The following ADAMTS9 variants were observed in gnomAD, a reference collection of about 807,000 sequenced individuals.
The protein encoded by ADAMTS9 is ADAM metallopeptidase with thrombospondin type 1 motif 9.
Under a neutral mutation model 257.1 loss-of-function variants are expected in ADAMTS9, and 107 were observed. The observed-to-expected ratio is 0.42, with a 90% CI of 0.36 to 0.49. The LOEUF (loss-of-function observed/expected upper bound fraction) is 0.49, where lower values mean the gene tolerates loss of function less well. Ranked by LOEUF, ADAMTS9 falls within the 20% of genes least tolerant of loss-of-function variation. The pLI is 0.03. For synonymous variants in ADAMTS9, 982 were observed against 880.9 expected (o/e 1.11, Z -2.03); for missense variants, 2,353 against 2,469.1 (o/e 0.95, Z 1.00).
At chr3:64,585,577 C>A (rs922374532) in intron 28 of ADAMTS9, among the ~76,000 whole-genome samples, 1 of 152,088 alleles carries the variant, frequency 6.6e-6, no homozygotes, top group Non-Finnish European at 1.5e-5. Flanking sequence ...TAAATTTTAC[C>A]ATTTTTCATA....
rs73122232 is a variant in ADAMTS9, at chr3:64,601,167, A to G, written c.4017+777T>C. On this transcript the variant is annotated intron_variant, in intron 26 of 39. Transcript: ENST00000498707. Reference sequence around the variant, plus strand: ...TAATTTGAAGGACAATGATAATGATAATAATAAAGACAACTGTCGACATTT... The same window carrying G: ...TAATTTGAAGGACAATGATAATGATGATAATAAAGACAACTGTCGACATTT... 8.7e-3 allele frequency among the ~76,000 whole-genome samples: 1,323 copies of G among 152,340 alleles called. 11 individuals carry two copies. The highest frequency in any genetic ancestry group is 0.038 in the South Asian group (185 of 4,824).
chr3:64,526,748 C>A (rs1276047902), intron 38 of ADAMTS9, among the ~76,000 whole-genome samples: 4 of 152,164 alleles, frequency 2.6e-5, no homozygotes, highest in Non-Finnish European at 1.5e-5. Flanking sequence ...CCTGGTACAT[C>A]TGTAAAATAG....
intron 3 of ADAMTS9, among the ~76,000 whole-genome samples, chr3:64,660,727 T>C (rs1422035918): frequency 2.0e-5 from 3 of 152,038 alleles, no homozygotes; most frequent in Non-Finnish European, 4.4e-5. Flanking sequence ...AGTGCAAGAG[T>C]AGTGATACTG....
intron 27 of ADAMTS9, among the ~76,000 whole-genome samples, chr3:64,595,568 G>A (rs192187190): frequency 7.7e-4 from 117 of 152,294 alleles, no homozygotes; most frequent in East Asian, 3.9e-4. Flanking sequence ...AGAACTTTGC[G>A]AGGAGGTTTT....
At chr3:64,522,373 A>T in intron 38 of ADAMTS9, 113 bp from the exon 39 acceptor site, 1 of 882,418 alleles carries the variant, frequency 1.1e-6, no homozygotes, top group Non-Finnish European at 1.8e-6. Context: ...TTCTGAACTG[A>T]TGTGAAGCCC....
intron 16 of ADAMTS9, among the ~76,000 whole-genome samples, chr3:64,629,365 C>T (rs1347921576): frequency 1.3e-5 from 2 of 152,200 alleles, no homozygotes; most frequent in Admixed American, 1.3e-4. Flanking sequence ...AGCCAAAGTT[C>T]TTAAAATGGT....
intron 3 of ADAMTS9, among the ~76,000 whole-genome samples, chr3:64,676,437 A>G (rs1315776119): frequency 1.3e-5 from 2 of 152,228 alleles, no homozygotes; most frequent in Non-Finnish European, 2.9e-5. Context: ...GTTCCTAGTA[A>G]CCATAAATAA....
intron 39 of ADAMTS9, among the ~76,000 whole-genome samples, chr3:64,518,074 T>C (rs1298664460): frequency 2.0e-5 from 3 of 152,170 alleles, no homozygotes; most frequent in Admixed American, 6.5e-5. Flanking sequence ...AATCATAAGT[T>C]GGAAGAATGA....
rs201715434 is a variant in ADAMTS9 at position 64,596,819 on chromosome 3, T to G, written c.4179+11A>C. ...TTCCTCTGTATTTATAGACGGATAG[T>G]TCACTCTCACCTCTCCCCAGTTGCC... On this transcript the variant is annotated intron_variant, in intron 27 of 39. Transcript: ENST00000498707. 2.6e-4 allele frequency: 423 copies of G among 1,613,608 alleles called. No individual in the cohort carries two copies. Among genetic ancestry groups the G allele is most frequent in the Non-Finnish European group, 2.4e-4 (284 of 1,179,840 alleles).
rs571481957 is a variant in ADAMTS9 at position 64,515,884 on chromosome 3, C to G, written c.*1243G>C. The G allele has an allele frequency of 6.6e-6, 1 of 152,084 alleles. No homozygotes were observed. The highest frequency in any genetic ancestry group is 1.5e-5 in the Non-Finnish European group (1 of 68,026). 9.4% of individuals were successfully genotyped at this position (152,084 alleles called of 1,614,324 possible). On this transcript the variant is annotated 3_prime_UTR_variant, in exon 40 of 40. Transcript: ENST00000498707. Reference sequence around the variant, plus strand: ...ATTGGCAAAGGCTTCCCTTCATCAGCTTGGAGGGGCAGAAAGACCATGGCT... The same window carrying G: ...ATTGGCAAAGGCTTCCCTTCATCAGGTTGGAGGGGCAGAAAGACCATGGCT...
intron 28 of ADAMTS9, chr3:64,590,132 G>T (rs191362368): frequency 6.6e-6 from 1 of 151,946 alleles, no homozygotes; most frequent in Non-Finnish European, 1.5e-5. Flanking sequence ...TACTAGAAAA[G>T]AAAAAATACC....
At chr3:64,657,495 C>T (rs1390576541) in intron 4 of ADAMTS9, among the ~76,000 whole-genome samples, 1 of 143,992 alleles carries the variant, frequency 6.9e-6, no homozygotes, top group African/African-American at 2.7e-5. Context: ...TATGCCACTA[C>T]ACCTGGCTAA....
chr3:64,643,434 A>G (rs1455491000), intron 11 of ADAMTS9, among the ~76,000 whole-genome samples: 1 of 129,912 alleles, frequency 7.7e-6, no homozygotes, highest in Non-Finnish European at 1.7e-5. Context: ...TCAACATAAC[A>G]TTACTCAATA....
At chr3:64,597,024 C>T (rs747700896) in intron 26 of ADAMTS9, 33 bp from the exon 27 acceptor site, 4 of 1,611,900 alleles carry the variant, frequency 2.5e-6, no homozygotes, top group South Asian at 1.1e-5. Context: ...TAATCCCCAC[C>T]TCAATCTCCA....
At chr3:64,660,162 G>A (rs1032425489) in intron 3 of ADAMTS9, among the ~76,000 whole-genome samples, 1 of 152,192 alleles carries the variant, frequency 6.6e-6, no homozygotes, top group Non-Finnish European at 1.5e-5. Context: ...AATGCCACCA[G>A]TTTGTGGTCT....
intron 38 of ADAMTS9, among the ~76,000 whole-genome samples, chr3:64,529,031 T>C (rs111437352): frequency 0.038 from 5,712 of 152,236 alleles, 367 homozygotes; most frequent in African/African-American, 0.13. Flanking sequence ...TTGCGGCAGG[T>C]TGGAGAGGCT....
chr3:64,598,980 A>G (rs1031505632), intron 26 of ADAMTS9, among the ~76,000 whole-genome samples: 1 of 152,096 alleles, frequency 6.6e-6, no homozygotes, highest in Non-Finnish European at 1.5e-5. Context: ...ACTCCATGGT[A>G]TTCTCTCTCC....
rs117934351 is a variant in ADAMTS9, at chr3:64,670,243, G to C, written c.679+10958C>G. Among the ~76,000 whole-genome samples the C allele has an allele frequency of 9.3e-4, 141 of 152,258 alleles. 3 individuals carry two copies. The highest frequency in any genetic ancestry group is 3.1e-3 in the African/African-American group (129 of 41,542). ...ACAGTTGCATTCTTACCTATGCAGA[G>C]GCTCCCCTGGACCTGTTTTCACCCC... On this transcript the variant is annotated intron_variant, in intron 3 of 39. Transcript: ENST00000498707.
At chr3:64,622,731 G>T in intron 16 of ADAMTS9, 145 bp from the exon 17 acceptor site, 2 of 785,080 alleles carry the variant, frequency 2.5e-6, no homozygotes, top group Non-Finnish European at 4.0e-6. Flanking sequence ...CAAGTCCCAA[G>T]TTTGCTACTT....
Sources: gnomAD v4.1 joint callset for allele counts (sites outside exome capture counted in the v4.1 genomes callset) on GRCh38, gnomAD v4.1.1 for gene constraint, MANE v1.5 for transcripts, NCBI Gene and HGNC (gene_info 2026-07-23, HGNC 2026-07-21) for gene names.